Variants in ADGRG6 observed in about 807,000 individuals in gnomAD.
ADGRG6 encodes the protein G-protein coupled receptor 126.
In ADGRG6, 84 loss-of-function variants were observed where a neutral mutation model predicts 142.4. That is an observed-to-expected ratio of 0.59 (90% CI 0.49 to 0.71). ADGRG6 has a LOEUF of 0.71. Among genes scored for constraint, ADGRG6 ranks in the 30% least tolerant of loss-of-function variants. The pLI, the probability that ADGRG6 is intolerant of heterozygous loss-of-function variation, is 0.00. For missense variants in ADGRG6, 1,367 were observed against 1,466.6 expected (o/e 0.93, Z 1.11); for synonymous variants, 521 against 520.5 (o/e 1.00, Z -0.01).
Position 142,405,825 on chromosome 6 carries a change from C to G in ADGRG6, c.2265C>G (p.Phe755Leu). 1 of 1,591,316 alleles carries G rather than the reference C, an allele frequency of 6.3e-7. No homozygotes were observed. The highest frequency in any genetic ancestry group is 8.5e-7 in the Non-Finnish European group (1 of 1,169,612). The change falls in exon 15 of 25, where the codon TTC (phenylalanine) becomes TTG (leucine). Residue 755 changes from phenylalanine (F) to leucine (L), a missense_variant. Phe to Leu is a conservative substitution (Grantham distance 22, BLOSUM62 0). Around this residue, in one of 3 missense-constraint regions of ADGRG6, gnomAD observed 286 missense variants for 371.4 expected, o/e 0.77. Coordinates refer to ENST00000367609, the MANE Select transcript of ADGRG6 (RefSeq NM_198569.3). ...CTTTCTTCAACAAAACTGGACTTTT[C>G]CAGGTAAGCACATTCATTAAATTAT... ...QFTFFNKTGL[F>L]QDVGPQRKTL...
intron 17 of ADGRG6, among the ~76,000 whole-genome samples, chr6:142,410,578 A>T (rs1329630060): frequency 2.0e-5 from 3 of 152,042 alleles, no homozygotes; most frequent in Non-Finnish European, 4.4e-5. Flanking sequence ...TTCTGATATA[A>T]AGGCAGGGTA....
At chr6:142,418,052 T>C (rs1034452151) in intron 21 of ADGRG6, among the ~76,000 whole-genome samples, 1 of 152,034 alleles carries the variant, frequency 6.6e-6, no homozygotes, top group African/African-American at 2.4e-5. Context: ...CCCAGCACTT[T>C]AGGAGGCCGA....
At chr6:142,328,914 T>C (rs1046298003) in intron 2 of ADGRG6, among the ~76,000 whole-genome samples, 2 of 152,210 alleles carry the variant, frequency 1.3e-5, no homozygotes, top group Non-Finnish European at 2.9e-5. Flanking sequence ...AAAAAGTCTG[T>C]CCAGCATTTA....
intron 24 of ADGRG6, chr6:142,440,861 G>A: frequency 1.1e-6 from 1 of 928,390 alleles, no homozygotes. Context: ...TATCTAGCTG[G>A]TTCATTTCTT....
intron 2 of ADGRG6, among the ~76,000 whole-genome samples, chr6:142,350,468 A>G (rs1026794069): frequency 6.6e-6 from 1 of 152,180 alleles, no homozygotes. Flanking sequence ...GTGGTTCAAG[A>G]TGAAACAACT....
intron 2 of ADGRG6, among the ~76,000 whole-genome samples, chr6:142,356,860 G>A (rs968636276): frequency 1.4e-4 from 22 of 152,306 alleles, no homozygotes; most frequent in Non-Finnish European, 2.8e-4. Context: ...AGGTGATTTA[G>A]TCTGTCTTAT....
chr6:142,341,597 T>C (rs866115449), intron 2 of ADGRG6, among the ~76,000 whole-genome samples: 19 of 127,466 alleles, frequency 1.5e-4, no homozygotes, highest in African/African-American at 3.6e-4. Flanking sequence ...ATATTATATA[T>C]TATATATACT....
intron 2 of ADGRG6, among the ~76,000 whole-genome samples, chr6:142,352,882 A>T (rs539813648): frequency 6.6e-6 from 1 of 152,282 alleles, no homozygotes; most frequent in South Asian, 2.1e-4. Flanking sequence ...AAGCAAGCAA[A>T]TAAAATTAGA....
intron 12 of ADGRG6, among the ~76,000 whole-genome samples, 154 bp from the exon 13 acceptor site, chr6:142,402,466 T>C (rs987359349): frequency 2.0e-4 from 31 of 152,122 alleles, no homozygotes; most frequent in Non-Finnish European, 3.7e-4. Context: ...AGAAATATTA[T>C]TGCCTTGTGA....
At chr6:142,302,663 A>G (rs1323598049) in intron 1 of ADGRG6, 6 of 352,130 alleles carry the variant, frequency 1.7e-5, no homozygotes, top group Non-Finnish European at 2.6e-5. Context: ...AAGGAGTAAC[A>G]GGCACCGCTC....
At chr6:142,384,967 A>G (rs184246275) in intron 6 of ADGRG6, among the ~76,000 whole-genome samples, 12 of 152,182 alleles carry the variant, frequency 7.9e-5, no homozygotes, top group African/African-American at 2.9e-4. Context: ...AGCAACCCCC[A>G]AGAAAGCAAC....
At chr6:142,399,552 G>C (rs891567387) in intron 10 of ADGRG6, among the ~76,000 whole-genome samples, 3 of 152,054 alleles carry the variant, frequency 2.0e-5, no homozygotes, top group African/African-American at 7.3e-5. Context: ...TGTCCTCATA[G>C]GCTGTGAAAG....
chr6:142,438,757 A>G (rs1777609090), intron 24 of ADGRG6, among the ~76,000 whole-genome samples: 1 of 152,188 alleles, frequency 6.6e-6, no homozygotes, highest in Non-Finnish European at 1.5e-5. Flanking sequence ...GGAAGAAACA[A>G]TATCTAGGAT....
chr6:142,403,993 T>A lies in ADGRG6; in HGVS notation c.2127+20T>A. ...TTCCAGGTAATGAGCCAGTGGTTTC[T>A]TTCATTTTAATTAATTAGTTAGACA... is the stretch of plus-strand genomic sequence containing the variant. On this transcript the variant is annotated intron_variant, in intron 14 of 24. Coordinates refer to ENST00000367609, the MANE Select transcript of ADGRG6 (RefSeq NM_198569.3). 6.4e-7 allele frequency: 1 copy of A among 1,564,062 alleles called. No individual in the cohort carries two copies. The highest frequency in any genetic ancestry group is 8.8e-7 in the Non-Finnish European group (1 of 1,138,012).
At chr6:142,400,411 T>C (rs1275732167) in intron 10 of ADGRG6, 74 bp from the exon 11 acceptor site, 2 of 725,952 alleles carry the variant, frequency 2.8e-6, no homozygotes, top group African/African-American at 3.5e-5. Context: ...CATTTTGCTT[T>C]CATCCTGCAT....
At chr6:142,428,852 C>T (rs1777079709) in intron 22 of ADGRG6, among the ~76,000 whole-genome samples, 1 of 151,970 alleles carries the variant, frequency 6.6e-6, no homozygotes, top group Admixed American at 6.5e-5. Context: ...ACCATATCAC[C>T]TACTTAATTT....
At chr6:142,384,495 G>A (rs1328910439) in intron 6 of ADGRG6, among the ~76,000 whole-genome samples, 1 of 152,088 alleles carries the variant, frequency 6.6e-6, no homozygotes, top group Non-Finnish European at 1.5e-5. Context: ...AATAAACAGA[G>A]GAAAAGTCAG....
intron 2 of ADGRG6, among the ~76,000 whole-genome samples, chr6:142,365,045 G>A (rs1323819705): frequency 6.6e-6 from 1 of 152,086 alleles, no homozygotes; most frequent in Non-Finnish European, 1.5e-5. Flanking sequence ...GATGACAGAG[G>A]TTGTTGCTTA....
intron 22 of ADGRG6, among the ~76,000 whole-genome samples, chr6:142,436,802 G>A (rs1051355346): frequency 1.3e-5 from 2 of 152,238 alleles, no homozygotes; most frequent in Non-Finnish European, 2.9e-5. Flanking sequence ...ATTTTGATAA[G>A]CACAAGGAGT....
Sources: gnomAD v4.1 joint callset for allele counts (sites outside exome capture counted in the v4.1 genomes callset) on GRCh38, gnomAD v4.1.1 for gene constraint, gnomAD v4.1.1 regional missense constraint, MANE v1.5 for transcripts, NCBI Gene and HGNC (gene_info 2026-07-23, HGNC 2026-07-21) for gene names.